Variants in TRPM3 observed in about 807,000 individuals in gnomAD.
The protein encoded by TRPM3 is transient receptor potential cation channel subfamily M member 3.
TRPM3 carries 77 observed loss-of-function variants against 181.2 expected under a neutral mutation model. The observed-to-expected ratio is 0.42, with a 90% CI of 0.35 to 0.51. The LOEUF (loss-of-function observed/expected upper bound fraction) is 0.51, where lower values mean the gene tolerates loss of function less well. TRPM3 is among the 20% of genes least tolerant of loss of function. The pLI is 0.01. For synonymous variants in TRPM3, 745 were observed against 796.4 expected (o/e 0.94, Z 1.09); for missense variants, 1,759 against 2,196.7 (o/e 0.80, Z 3.98).
Position 70,535,740 on chromosome 9 carries a change from C to G in TRPM3, c.*213G>C, listed in dbSNP as rs1395827978. ...TCCCTGCCCAGCAAGTGTGAACATG[C>G]CTTAAATCCCCTGTGTCTGGCACTG... On this transcript the variant is annotated 3_prime_UTR_variant, in exon 26 of 26. Coordinates refer to ENST00000677713, the MANE Select transcript of TRPM3 (RefSeq NM_001366145.2). 1.4e-6 allele frequency: 2 copies of G among 1,445,834 alleles called. No homozygotes were observed. The highest frequency in any genetic ancestry group is 1.8e-6 in the Non-Finnish European group (2 of 1,106,908). 89.6% of individuals were successfully genotyped at this position (1,445,834 alleles called of 1,614,324 possible).
At chr9:70,995,298 T>C (rs11142662) in intron 1 of TRPM3, among the ~76,000 whole-genome samples, 37,028 of 152,128 alleles carry the variant, frequency 0.24, 4,955 homozygotes, top group East Asian at 0.33. Flanking sequence ...TATTCAAGAA[T>C]ATGTTATAAT....
At chr9:70,829,427 T>C (rs1313142390) in intron 5 of TRPM3, among the ~76,000 whole-genome samples, 2 of 152,158 alleles carry the variant, frequency 1.3e-5, no homozygotes, top group African/African-American at 4.8e-5. Context: ...GACATGCTTT[T>C]GTTCAACATT....
intron 9 of TRPM3, among the ~76,000 whole-genome samples, chr9:70,660,726 A>C (rs2061007260): frequency 6.6e-6 from 1 of 152,170 alleles, no homozygotes; most frequent in Non-Finnish European, 1.5e-5. Context: ...CAACCCTCCT[A>C]GATTAATTCA....
At chr9:70,626,951 T>A (rs1420699370) in intron 12 of TRPM3, among the ~76,000 whole-genome samples, 1 of 152,200 alleles carries the variant, frequency 6.6e-6, no homozygotes, top group Non-Finnish European at 1.5e-5. Context: ...GAGCCTCTTA[T>A]AATATGCCTG....
intron 8 of TRPM3, among the ~76,000 whole-genome samples, chr9:70,743,148 ACT>A: frequency 6.6e-6 from 1 of 152,172 alleles, no homozygotes; most frequent in African/African-American, 2.4e-5. Context: ...ATTTGGTTAG[ACT>A]AGAGTACAAG....
At chr9:70,831,251 T>C (rs568508978) in intron 5 of TRPM3, among the ~76,000 whole-genome samples, 1 of 152,322 alleles carries the variant, frequency 6.6e-6, no homozygotes, top group South Asian at 2.1e-4. Flanking sequence ...CTAAAAAGAT[T>C]TGCTGATCTT....
chr9:70,610,478 G>T, intron 19 of TRPM3, 131 bp downstream of exon 19: 1 of 1,159,926 alleles, frequency 8.6e-7, no homozygotes, highest in Non-Finnish European at 1.2e-6. Flanking sequence ...TATTGAAAAA[G>T]CAAGGTCACA....
intron 1 of TRPM3, among the ~76,000 whole-genome samples, chr9:71,149,705 G>A (rs1427450623): frequency 6.6e-6 from 1 of 152,158 alleles, no homozygotes; most frequent in Non-Finnish European, 1.5e-5. Context: ...TGGGCATAAT[G>A]TCTCATACCT....
intron 1 of TRPM3, among the ~76,000 whole-genome samples, chr9:71,200,257 T>C (rs1025982925): frequency 2.9e-4 from 44 of 151,978 alleles, no homozygotes; most frequent in Non-Finnish European, 4.4e-5. Context: ...ATAATTTCTG[T>C]TCTTTTACAC....
intron 20 of TRPM3, among the ~76,000 whole-genome samples, chr9:70,599,171 C>G (rs772734985): frequency 5.3e-5 from 8 of 152,166 alleles, no homozygotes; most frequent in Non-Finnish European, 8.8e-5. Context: ...TCACATCTTA[C>G]AGATTGCAGC....
rs1322978258 is a variant in TRPM3, at chr9:71,121,248, G to A, written c.107C>T (p.Pro36Leu). Residue 36 changes from proline to leucine, a missense_variant, in exon 1 of 26, where the codon CCT becomes CTT. By Grantham distance (98) the Pro-to-Leu change is moderately conservative (BLOSUM62 -3). Transcript: ENST00000677713. ...LEGVMNQADAPRPLNWTIRKL... is the reference protein window; with the variant it reads ...LEGVMNQADALRPLNWTIRKL... ...CCGGATGGTCCAGTTTAGGGGTCGA[G>A]GAGCATCAGCCTGATTCATGACCCC... 3.1e-6 allele frequency: 5 copies of A among 1,614,040 alleles called. No homozygotes were observed. The highest frequency in any genetic ancestry group is 2.5e-6 in the Non-Finnish European group (3 of 1,180,018).
chr9:71,001,870 GA>G (rs1763425196), intron 1 of TRPM3, among the ~76,000 whole-genome samples: 1 of 152,186 alleles, frequency 6.6e-6, no homozygotes, highest in Admixed American at 6.5e-5. Flanking sequence ...ATGCAAATGT[GA>G]AAGATATAGA....
intron 1 of TRPM3, among the ~76,000 whole-genome samples, chr9:71,194,276 A>C (rs1424934607): frequency 1.3e-5 from 2 of 151,916 alleles, no homozygotes; most frequent in Non-Finnish European, 2.9e-5. Flanking sequence ...GAAGAGTTAA[A>C]TAGGTATATG....
At chr9:71,245,120 A>G (rs548981056) in intron 1 of TRPM3, among the ~76,000 whole-genome samples, 2 of 152,176 alleles carry the variant, frequency 1.3e-5, no homozygotes, top group South Asian at 4.2e-4. Flanking sequence ...AACATGTAGA[A>G]AGGTGGTTTT....
At position 70,629,219 on chromosome 9, in the gene TRPM3, G is replaced by GAGT. The variant is rs1554790188; in HGVS notation, c.1633-3703_1633-3702insACT. Among the ~76,000 whole-genome samples, 3 of 73,864 alleles carry GAGT rather than the reference G, an allele frequency of 4.1e-5. 1 individual carries two copies. Among genetic ancestry groups the GAGT allele is most frequent in the Non-Finnish European group, 9.4e-5 (3 of 31,898 alleles). 48.5% of individuals were successfully genotyped at this position (73,864 alleles called of 152,430 possible). On this transcript the variant is annotated intron_variant, in intron 12 of 25. Coordinates refer to ENST00000677713, the MANE Select transcript of TRPM3 (RefSeq NM_001366145.2). ...AAATGATTCTGTGACCAGTGCCGGG[G>GAGT]GGGGGGGGGGCCTGCGTTCTGTTTG...
At chr9:71,041,864 C>G (rs781101263) in intron 1 of TRPM3, among the ~76,000 whole-genome samples, 1 of 152,130 alleles carries the variant, frequency 6.6e-6, no homozygotes, top group Non-Finnish European at 1.5e-5. Flanking sequence ...GGCCAGTCTC[C>G]TCGTTGCCCT....
At chr9:70,869,175 G>A (rs2095729987) in intron 1 of TRPM3, 1 of 456,364 alleles carries the variant, frequency 2.2e-6, no homozygotes, top group Non-Finnish European at 2.9e-6. Flanking sequence ...GGGCAGATTA[G>A]CCCCTTGGAA....
At chr9:70,572,897 G>T (rs938830074) in intron 22 of TRPM3, among the ~76,000 whole-genome samples, 1 of 152,072 alleles carries the variant, frequency 6.6e-6, no homozygotes, top group African/African-American at 2.4e-5. Flanking sequence ...AGCCCTGAAC[G>T]GGCTTGTTCA....
intron 5 of TRPM3, among the ~76,000 whole-genome samples, chr9:70,830,781 T>C (rs1335066102): frequency 3.3e-5 from 5 of 152,212 alleles, no homozygotes; most frequent in Non-Finnish European, 2.9e-5. Flanking sequence ...ATAAAACCAC[T>C]TACCTCTTGG....
Sources: allele counts gnomAD v4.1 joint callset (sites outside exome capture counted in the v4.1 genomes callset), GRCh38; gene constraint gnomAD v4.1.1; transcripts MANE v1.5; gene names NCBI Gene and HGNC (gene_info 2026-07-23, HGNC 2026-07-21).